The following SUN3 variants were observed in gnomAD, a reference collection of about 807,000 sequenced individuals.
The protein encoded by SUN3 is Sad1 and UNC84 domain containing 3, also known as SUN domain-containing protein 3.
In SUN3, 36 loss-of-function variants were observed where a neutral mutation model predicts 48.2. The observed-to-expected ratio is 0.75, with a 90% CI of 0.57 to 0.99. SUN3 has a LOEUF of 0.99. SUN3 is among the 50% of genes least tolerant of loss of function. The pLI, the probability that SUN3 is intolerant of heterozygous loss-of-function variation, is 0.00. For missense variants in SUN3, 419 were observed against 433.1 expected (o/e 0.97, Z 0.29); for synonymous variants, 148 against 147.9 (o/e 1.00, Z 0.00).
intron 5 of SUN3, among the ~76,000 whole-genome samples, chr7:48,006,730 G>C (rs28445055): frequency 0.03 from 4,555 of 152,312 alleles, 96 homozygotes; most frequent in Non-Finnish European, 0.047. Context: ...AAAGAAGGTA[G>C]TAATGACAGC....
intron 6 of SUN3, among the ~76,000 whole-genome samples, chr7:48,003,894 T>G (rs966375098): frequency 1.3e-5 from 2 of 152,212 alleles, no homozygotes; most frequent in Non-Finnish European, 2.9e-5. Flanking sequence ...TGGATGCCCT[T>G]TATTTATTTC....
chr7:47,998,101 T>C (rs1362571537), intron 6 of SUN3, among the ~76,000 whole-genome samples: 1 of 152,214 alleles, frequency 6.6e-6, no homozygotes, highest in Non-Finnish European at 1.5e-5. Flanking sequence ...AGAAGTGGGA[T>C]TGCTAGGTCA....
At chr7:48,025,096 C>T (rs74913679) in intron 2 of SUN3, among the ~76,000 whole-genome samples, 1 of 152,244 alleles carries the variant, frequency 6.6e-6, no homozygotes, top group Non-Finnish European at 1.5e-5. Flanking sequence ...CAAATAAGCA[C>T]ACATACACAC....
intron 6 of SUN3, among the ~76,000 whole-genome samples, chr7:48,003,893 T>C (rs1220742905): frequency 1.3e-5 from 2 of 152,228 alleles, no homozygotes; most frequent in Non-Finnish European, 2.9e-5. Context: ...TTGGATGCCC[T>C]TTATTTATTT....
intron 3 of SUN3, among the ~76,000 whole-genome samples, chr7:48,015,996 C>G (rs2128780301): frequency 6.6e-6 from 1 of 152,276 alleles, no homozygotes. Context: ...GTTTAGGGGT[C>G]ACGCAGACCC....
chr7:47,991,152 A>G (rs754979241), intron 8 of SUN3: 8 of 418,496 alleles, frequency 1.9e-5, no homozygotes, highest in Non-Finnish European at 3.3e-5. Context: ...CCTGGGCTCC[A>G]GTGATCCTCC....
intron 8 of SUN3, chr7:47,991,075 TAAAC>T (rs979314590): frequency 1.3e-5 from 6 of 454,464 alleles, no homozygotes; most frequent in East Asian, 1.4e-4. Context: ...AAAAAACAAA[TAAAC>T]AACAAAACAA....
upstream of SUN3, among the ~76,000 whole-genome samples, chr7:48,032,854 T>C (rs181212903): frequency 7.5e-4 from 114 of 152,314 alleles, no homozygotes; most frequent in Admixed American, 2.2e-3. Flanking sequence ...ATGGAGGATG[T>C]GTCCTGAAAG....
intron 2 of SUN3, among the ~76,000 whole-genome samples, chr7:48,020,833 T>TG (rs1452870613): frequency 3.3e-5 from 5 of 152,118 alleles, no homozygotes; most frequent in African/African-American, 1.2e-4. Flanking sequence ...AGATCAATAT[T>TG]GCTAAATGTC....
At chr7:48,026,853 G>C (rs999447740) in intron 1 of SUN3, among the ~76,000 whole-genome samples, 2 of 152,042 alleles carry the variant, frequency 1.3e-5, no homozygotes, top group African/African-American at 4.8e-5. Context: ...AAATCAGCTG[G>C]AACCTTGGAC....
intron 9 of SUN3, among the ~76,000 whole-genome samples, chr7:47,987,728 T>C (rs1788940670): frequency 6.6e-6 from 1 of 152,104 alleles, no homozygotes; most frequent in Non-Finnish European, 1.5e-5. Context: ...GAGACAGGGT[T>C]TTGCCATGTT....
intron 6 of SUN3, among the ~76,000 whole-genome samples, chr7:48,005,743 G>T (rs1456140614): frequency 6.6e-6 from 1 of 151,672 alleles, no homozygotes; most frequent in Non-Finnish European, 1.5e-5. Flanking sequence ...TCTTTTAGAT[G>T]CATGTTAATG....
chr7:48,010,880 C>T (rs1289976211), intron 3 of SUN3, among the ~76,000 whole-genome samples: 1 of 152,200 alleles, frequency 6.6e-6, no homozygotes, highest in African/African-American at 2.4e-5. Context: ...TTACACTCCT[C>T]TGAAGGTCCT....
intron 7 of SUN3, 102 bp downstream of exon 7, chr7:47,995,929 G>A (rs573300657): frequency 1.4e-5 from 9 of 626,096 alleles, no homozygotes; most frequent in Non-Finnish European, 2.4e-5. Context: ...GACAAGTTCA[G>A]ACACTCTTAT....
chr7:48,035,866 C>T, the SUN3 span, among the ~76,000 whole-genome samples: 27 of 152,276 alleles, frequency 1.8e-4, no homozygotes, highest in South Asian at 2.3e-3. The surrounding 1 kb of genome is among the most constrained non-coding windows in gnomAD (Gnocchi z 4.0). Flanking sequence ...CGTGGACGTG[C>T]CTGTACTGGA....
chr7:48,017,361 G>T lies in SUN3; in HGVS notation c.189C>A (p.Leu63=). 6.3e-7 allele frequency: 1 copy of T among 1,577,942 alleles called. No individual in the cohort carries two copies. Among genetic ancestry groups the T allele is most frequent in the Non-Finnish European group, 8.7e-7 (1 of 1,153,456 alleles). ...MLTLTFLLVG[L]LNHQWLKETD... ...TTTCTTTAAGCCACTGATGATTTAG[G>T]AGTCCTGTTAAAGAAAAGACAAACT... Residue 63 remains leucine (L), a synonymous_variant, in exon 3 of 10, where the codon CTC becomes CTA. Coordinates refer to ENST00000297325, the MANE Select transcript of SUN3 (RefSeq NM_001030019.2).
rs111247042 is a variant in SUN3, at chr7:47,997,464, T to TC, written c.578-1319dup. ...GCTAATGTGGGGACTGAATACCCCA[T>TC]CCCCATAATCCTTTCCAGAAAAAAA... On this transcript the variant is annotated intron_variant, in intron 6 of 9. Transcript: ENST00000297325. 3.0e-3 allele frequency among the ~76,000 whole-genome samples: 453 copies of TC among 152,260 alleles called. 6 individuals carry two copies. Among genetic ancestry groups the TC allele is most frequent in the African/African-American group, 0.01 (422 of 41,546 alleles).
rs1273835070 is a variant in SUN3, at chr7:48,005,976, C to A, written c.570G>T (p.Lys190Asn). 6.2e-7 allele frequency: 1 copy of A among 1,610,690 alleles called. No individual in the cohort carries two copies. Among genetic ancestry groups the A allele is most frequent in the Admixed American group, 1.7e-5 (1 of 59,592 alleles). ...CACTTTTTCTGTACTCACCGGCCGA[C>A]TTCAGGGCATAATCAGCCATCTCGA... is the stretch of plus-strand genomic sequence containing the variant. ...DQVEMADYALKSAGASIIEAG... is the reference protein window; with the variant it reads ...DQVEMADYALNSAGASIIEAG... Residue 190 changes from lysine (K) to asparagine (N), a missense_variant, in exon 6 of 10, where the codon AAG becomes AAT. Transcript: ENST00000297325.
At chr7:48,029,333 T>C (rs1299228583), upstream of SUN3, among the ~76,000 whole-genome samples, 1 of 152,216 alleles carries the variant, frequency 6.6e-6, no homozygotes, top group Non-Finnish European at 1.5e-5. Context: ...AAAGAAAATA[T>C]CAGAAATATA....
Sources: allele counts gnomAD v4.1 joint callset (sites outside exome capture counted in the v4.1 genomes callset), GRCh38; gene constraint gnomAD v4.1.1; non-coding constraint Gnocchi (gnomAD v3.1); transcripts MANE v1.5; gene names NCBI Gene and HGNC (gene_info 2026-07-23, HGNC 2026-07-21).